Variants in NELL2 observed in about 807,000 individuals in gnomAD.
The protein encoded by NELL2 is neural EGFL like 2, also known as protein kinase C-binding protein NELL2.
In NELL2, 41 loss-of-function variants were observed where a neutral mutation model predicts 109.6. That is an observed-to-expected ratio of 0.37 (90% CI 0.29 to 0.49). NELL2 has a LOEUF of 0.49. Ranked by LOEUF, NELL2 falls within the 20% of genes least tolerant of loss-of-function variation. The probability of loss-of-function intolerance (pLI) is 0.98; values close to 1 mark genes in which losing one functional copy is unlikely to be tolerated. For missense variants in NELL2, 900 were observed against 1,008.3 expected (o/e 0.89, Z 1.45); for synonymous variants, 355 against 344.7 (o/e 1.03, Z -0.33).
intron 15 of NELL2, among the ~76,000 whole-genome samples, chr12:44,553,688 T>C (rs1943130132): frequency 6.6e-6 from 1 of 152,152 alleles, no homozygotes; most frequent in African/African-American, 2.4e-5. Flanking sequence ...GAAAATCACA[T>C]GTACCCCCAA....
At chr12:44,742,810 CA>C (rs1940069951) in intron 9 of NELL2, among the ~76,000 whole-genome samples, 1 of 151,910 alleles carries the variant, frequency 6.6e-6, no homozygotes, top group Non-Finnish European at 1.5e-5. Flanking sequence ...GTGAAAAGAC[CA>C]AATCTACGTC....
At chr12:44,738,439 A>T (rs1178032450) in intron 9 of NELL2, among the ~76,000 whole-genome samples, 1 of 152,160 alleles carries the variant, frequency 6.6e-6, no homozygotes, top group African/African-American at 2.4e-5. Context: ...GGATTTTAAA[A>T]ATGTGATTAC....
At chr12:44,695,065 AGG>A in intron 12 of NELL2, among the ~76,000 whole-genome samples, 1 of 136,228 alleles carries the variant, frequency 7.3e-6, no homozygotes, top group African/African-American at 2.7e-5. Flanking sequence ...GAAGGAAGAG[AGG>A]GAGGAAGGGA....
chr12:44,696,115 G>A (rs1949056753), intron 12 of NELL2, among the ~76,000 whole-genome samples: 1 of 152,208 alleles, frequency 6.6e-6, no homozygotes, highest in African/African-American at 2.4e-5. Context: ...GGTAGAAGAG[G>A]CATCATTGGC....
intron 15 of NELL2, among the ~76,000 whole-genome samples, chr12:44,574,162 C>T (rs1943977650): frequency 6.6e-6 from 1 of 151,728 alleles, no homozygotes; most frequent in Non-Finnish European, 1.5e-5. Flanking sequence ...CTCTTGGGTT[C>T]AAGTGATCTC....
intron 2 of NELL2, among the ~76,000 whole-genome samples, chr12:44,829,980 G>A (rs1163613965): frequency 1.3e-5 from 2 of 152,082 alleles, no homozygotes; most frequent in South Asian, 2.1e-4. Context: ...GGAAAAAAAT[G>A]TTCTTTCAAA....
At chr12:44,681,557 T>C (rs1382177139) in intron 12 of NELL2, among the ~76,000 whole-genome samples, 1 of 152,050 alleles carries the variant, frequency 6.6e-6, no homozygotes, top group Non-Finnish European at 1.5e-5. Flanking sequence ...CCCAATGCTA[T>C]CCCTCCCCTC....
intron 19 of NELL2, among the ~76,000 whole-genome samples, chr12:44,515,884 TA>T (rs1302343660): frequency 1.3e-5 from 2 of 152,004 alleles, no homozygotes; most frequent in Non-Finnish European, 2.9e-5. Context: ...TTATATTTTT[TA>T]ATCCTATTAC....
At chr12:44,901,741 T>C (rs759539662) in intron 1 of NELL2, among the ~76,000 whole-genome samples, 3 of 152,080 alleles carry the variant, frequency 2.0e-5, no homozygotes, top group African/African-American at 4.8e-5. Flanking sequence ...GTGAGGCTGG[T>C]TCAATATACA....
At chr12:44,715,272 C>T (rs544526912) in intron 9 of NELL2, among the ~76,000 whole-genome samples, 1 of 147,622 alleles carries the variant, frequency 6.8e-6, no homozygotes, top group East Asian at 2.0e-4. Flanking sequence ...GTTAGGGCAC[C>T]CCATCTAGGA....
intron 16 of NELL2, 23 bp from the exon 17 acceptor site, chr12:44,523,507 C>G: frequency 6.2e-7 from 1 of 1,607,256 alleles, no homozygotes; most frequent in Non-Finnish European, 8.5e-7. Context: ...AAAAGCAGCA[C>G]TCAATGTGCT....
intron 17 of NELL2, 69 bp downstream of exon 17, chr12:44,523,222 T>C (rs1457265371): frequency 1.3e-6 from 2 of 1,489,432 alleles, no homozygotes; most frequent in African/African-American, 1.4e-5. Context: ...CATCAAGCCA[T>C]ATACACACTT....
intron 13 of NELL2, among the ~76,000 whole-genome samples, chr12:44,634,465 T>C (rs1398338822): frequency 6.6e-6 from 1 of 152,154 alleles, no homozygotes; most frequent in Non-Finnish European, 1.5e-5. Flanking sequence ...GAATGATGGT[T>C]TCCAACTTCA....
At chr12:44,643,822 T>C (rs1439360501) in intron 13 of NELL2, among the ~76,000 whole-genome samples, 3 of 152,214 alleles carry the variant, frequency 2.0e-5, no homozygotes, top group Non-Finnish European at 4.4e-5. Context: ...GGTTCTATTA[T>C]GTGCATAATG....
chr12:44,587,284 A>AAAAAAAAAAAAAATATATATAT, intron 15 of NELL2, among the ~76,000 whole-genome samples: 50 of 72,112 alleles, frequency 6.9e-4, no homozygotes, highest in Admixed American at 8.1e-4. Context: ...AAAAAAAAAA[A>AAAAAAAAAAAAAATATATATAT]ATATATATAT....
chr12:44,583,437 C>A (rs914102011), intron 15 of NELL2, among the ~76,000 whole-genome samples: 3 of 152,130 alleles, frequency 2.0e-5, no homozygotes, highest in African/African-American at 7.2e-5. Context: ...AGAGCAGAGA[C>A]CTTTTCAACT....
At chr12:44,833,325 C>T (rs1156549845) in intron 2 of NELL2, among the ~76,000 whole-genome samples, 1 of 152,086 alleles carries the variant, frequency 6.6e-6, no homozygotes, top group African/African-American at 2.4e-5. Context: ...TCTCATATCC[C>T]ATCTTCTTGA....
Position 44,798,767 on chromosome 12 carries a change from TA to T in NELL2, c.335+17218del, listed in dbSNP as rs746802143. ...AAATTGTGTAACAATGGCACATGAA[TA>T]AAAAAGTAGACTAATGGAGCTGTAT... On this transcript the variant is annotated intron_variant, in intron 3 of 19. Transcript: ENST00000429094. Among the ~76,000 whole-genome samples, 125 of 151,932 alleles carry T rather than the reference TA, an allele frequency of 8.2e-4. 1 individual carries two copies. Among genetic ancestry groups the T allele is most frequent in the Non-Finnish European group, 1.5e-3 (104 of 67,974 alleles).
intron 1 of NELL2, among the ~76,000 whole-genome samples, chr12:44,901,115 G>GT (rs1945655408): frequency 6.6e-6 from 1 of 152,104 alleles, no homozygotes; most frequent in African/African-American, 2.4e-5. Context: ...CCAGTAGCTG[G>GT]TTTTTTGAAA....
Sources: allele counts gnomAD v4.1 joint callset (sites outside exome capture counted in the v4.1 genomes callset), GRCh38; gene constraint gnomAD v4.1.1; transcripts MANE v1.5; gene names NCBI Gene and HGNC (gene_info 2026-07-23, HGNC 2026-07-21).